The following ADGRL3 variants were observed in gnomAD, a reference collection of about 807,000 sequenced individuals.
ADGRL3 encodes the protein adhesion G protein-coupled receptor L3.
ADGRL3 carries 62 observed loss-of-function variants against 153.5 expected under a neutral mutation model. The observed-to-expected ratio is 0.40, with a 90% confidence interval of 0.33 to 0.50. The LOEUF (loss-of-function observed/expected upper bound fraction) is 0.50. Ranked by LOEUF, ADGRL3 falls within the 20% of genes least tolerant of loss-of-function variation. The pLI is 0.47. For missense variants in ADGRL3, 1,641 were observed against 1,859.4 expected, an observed-to-expected ratio of 0.88 and a Z score of 2.16; for synonymous variants, 710 against 672.5, an observed-to-expected ratio of 1.06 and a Z score of -0.86.
intron 25 of ADGRL3, among the ~76,000 whole-genome samples, chr4:62,046,882 T>C (rs915299387): frequency 1.3e-5 from 2 of 151,972 alleles, no homozygotes; most frequent in African/African-American, 2.4e-5. Context: ...CTTCATATTA[T>C]GTCTCTGAAG....
At chr4:61,433,396 TA>T (rs1470226124) in intron 2 of ADGRL3, among the ~76,000 whole-genome samples, 1 of 151,374 alleles carries the variant, frequency 6.6e-6, no homozygotes, top group Non-Finnish European at 1.5e-5. Flanking sequence ...CTCTCCCTAC[TA>T]AAGCTATAAT....
At chr4:61,203,764 T>A (rs759315577) in intron 1 of ADGRL3, among the ~76,000 whole-genome samples, 1 of 152,214 alleles carries the variant, frequency 6.6e-6, no homozygotes, top group African/African-American at 2.4e-5. Context: ...TGATCTGGAC[T>A]TCTGGCGCCC....
chr4:61,847,689 T>TATAA (rs2098137198), intron 9 of ADGRL3, among the ~76,000 whole-genome samples: 2 of 49,378 alleles, frequency 4.1e-5, no homozygotes, highest in African/African-American at 1.7e-4. Flanking sequence ...ATTATATATA[T>TATAA]AATATAAAAT....
chr4:61,527,332 G>A (rs752243656), intron 4 of ADGRL3, among the ~76,000 whole-genome samples: 6 of 151,954 alleles, frequency 3.9e-5, no homozygotes, highest in Non-Finnish European at 8.8e-5. Context: ...GTCTGTGAAG[G>A]TATATATTTT....
At chr4:61,718,736 G>A (rs1027024580) in intron 6 of ADGRL3, among the ~76,000 whole-genome samples, 1 of 152,078 alleles carries the variant, frequency 6.6e-6, no homozygotes, top group Non-Finnish European at 1.5e-5. Context: ...CTTCCTTAAT[G>A]ATCTCACTAA....
chr4:61,442,428 T>G (rs1280907903), intron 2 of ADGRL3, among the ~76,000 whole-genome samples: 1 of 152,150 alleles, frequency 6.6e-6, no homozygotes, highest in African/African-American at 2.4e-5. Flanking sequence ...ATTCGATTAT[T>G]GCAAGTAAAG....
At chr4:61,623,792 C>T (rs915178549) in intron 5 of ADGRL3, among the ~76,000 whole-genome samples, 1 of 152,064 alleles carries the variant, frequency 6.6e-6, no homozygotes. Context: ...GAAAGCTAAC[C>T]GTGTTACATA....
intron 9 of ADGRL3, among the ~76,000 whole-genome samples, chr4:61,857,000 CTT>C (rs776083464): frequency 0.044 from 5,613 of 126,732 alleles, 268 homozygotes; most frequent in African/African-American, 0.06. Flanking sequence ...TTCTTTCTTT[CTT>C]TCTTTCTTTC....
At chr4:61,605,946 T>C (rs1023731101) in intron 5 of ADGRL3, among the ~76,000 whole-genome samples, 3 of 152,096 alleles carry the variant, frequency 2.0e-5, no homozygotes, top group Non-Finnish European at 4.4e-5. Flanking sequence ...CCTAAAATAG[T>C]CCCTAATTAC....
rs1233036116 is a variant in ADGRL3, at chr4:61,391,945, C to T, written c.-174+8756C>T. ...CGCGAGCTCGCCTCACTGCAAGCTC[C>T]GCCTCCCAGGTTCATGCCATTCTCC... On this transcript the variant is annotated intron_variant, in intron 2 of 26. Coordinates refer to ENST00000683033, the MANE Select transcript of ADGRL3 (RefSeq NM_001387552.1). Among the ~76,000 whole-genome samples, 6 of 148,616 alleles carry T rather than the reference C, an allele frequency of 4.0e-5. 1 individual carries two copies. The highest frequency in any genetic ancestry group is 5.9e-5 in the Non-Finnish European group (4 of 67,398).
intron 4 of ADGRL3, among the ~76,000 whole-genome samples, chr4:61,586,585 A>G (rs141352146): frequency 5.3e-5 from 8 of 152,166 alleles, no homozygotes; most frequent in African/African-American, 1.9e-4. Context: ...GTTTCTGTGA[A>G]GAAAATTCTA....
chr4:61,633,226 G>T (rs2093270610), intron 5 of ADGRL3, among the ~76,000 whole-genome samples: 1 of 120,734 alleles, frequency 8.3e-6, no homozygotes, highest in Admixed American at 8.6e-5. Context: ...TACCTGCGTT[G>T]CAGTTTGGGG....
rs1173431501 is a variant in ADGRL3, at chr4:61,226,695, T to C, written c.-240+24930T>C. ...AGACCCTGAGAAGTTTCTACTTCTA[T>C]TTCAAAGTGCCTGGAAGAATACCTG... On this transcript the variant is annotated intron_variant, in intron 1 of 26. Coordinates refer to ENST00000683033, the MANE Select transcript of ADGRL3 (RefSeq NM_001387552.1). 2.6e-5 allele frequency among the ~76,000 whole-genome samples: 4 copies of C among 152,258 alleles called. No individual in the cohort carries two copies. In the East Asian group the frequency reaches 5.8e-4, roughly 22 times the overall value.
intron 17 of ADGRL3, 100 bp downstream of exon 17, chr4:61,948,376 C>A: frequency 1.2e-6 from 1 of 812,944 alleles, no homozygotes; most frequent in African/African-American, 1.7e-5. Flanking sequence ...CAATGTTTTC[C>A]TACTTTCATA....
chr4:61,621,962 A>C (rs368876339), intron 5 of ADGRL3, among the ~76,000 whole-genome samples: 5 of 152,090 alleles, frequency 3.3e-5, no homozygotes, highest in South Asian at 4.1e-4. Flanking sequence ...TGTAAGCAAA[A>C]CTTTAGTCAG....
chr4:61,488,953 C>A (rs878923758), intron 2 of ADGRL3, among the ~76,000 whole-genome samples: 1 of 151,960 alleles, frequency 6.6e-6, no homozygotes, highest in Non-Finnish European at 1.5e-5. Flanking sequence ...TGACCACTCA[C>A]AATCTTTTAT....
intron 9 of ADGRL3, among the ~76,000 whole-genome samples, chr4:61,882,578 C>T (rs916159959): frequency 2.6e-5 from 4 of 152,140 alleles, no homozygotes; most frequent in Admixed American, 1.3e-4. Context: ...CCAAAGTTCT[C>T]ACTTTGGCCT....
At chr4:61,396,813 A>G (rs947240388) in intron 2 of ADGRL3, among the ~76,000 whole-genome samples, 4 of 151,846 alleles carry the variant, frequency 2.6e-5, no homozygotes, top group Non-Finnish European at 4.4e-5. Context: ...TTTTCATAGT[A>G]CTTTGGCCTT....
intron 1 of ADGRL3, among the ~76,000 whole-genome samples, chr4:61,376,588 T>C (rs1172542317): frequency 1.3e-5 from 2 of 152,162 alleles, no homozygotes; most frequent in Non-Finnish European, 2.9e-5. Flanking sequence ...TTAGTCCATC[T>C]TGCTCATATG....
Sources: allele counts gnomAD v4.1 joint callset (sites outside exome capture counted in the v4.1 genomes callset), GRCh38; gene constraint gnomAD v4.1.1; transcripts MANE v1.5; gene names NCBI Gene and HGNC (gene_info 2026-07-23, HGNC 2026-07-21).